The following NBAS variants were observed in gnomAD, a reference collection of about 807,000 sequenced individuals.
The protein encoded by NBAS is NAG/BC035112 fusion.
NBAS carries 219 observed loss-of-function variants against 302.5 expected under a neutral mutation model. The observed-to-expected ratio is 0.72, with a 90% CI of 0.65 to 0.81. The LOEUF is 0.81. NBAS is among the 30% of genes least tolerant of loss of function. NBAS has a pLI of 0.00. For missense variants in NBAS, 2,932 were observed against 2,841.6 expected (o/e 1.03, Z -0.72); for synonymous variants, 1,118 against 1,021.6 (o/e 1.09, Z -1.80).
chr2:15,441,923 A>G (rs1678436099), intron 21 of NBAS, among the ~76,000 whole-genome samples: 1 of 150,812 alleles, frequency 6.6e-6, no homozygotes, highest in African/African-American at 2.4e-5. Flanking sequence ...CCATTACATA[A>G]TAGTAAAGGG....
intron 32 of NBAS, among the ~76,000 whole-genome samples, chr2:15,357,816 C>G (rs1673698489): frequency 6.6e-6 from 1 of 152,146 alleles, no homozygotes; most frequent in South Asian, 2.1e-4. Flanking sequence ...ATGGCTCCCC[C>G]TTCAAGCATT....
chr2:15,304,412 T>C (rs1020221437), intron 40 of NBAS, among the ~76,000 whole-genome samples: 1 of 152,128 alleles, frequency 6.6e-6, no homozygotes, highest in African/African-American at 2.4e-5. Context: ...TACAGCAGTA[T>C]AAAAACAGAC....
intron 21 of NBAS, among the ~76,000 whole-genome samples, chr2:15,460,708 C>T (rs1270161706): frequency 6.6e-6 from 1 of 152,082 alleles, no homozygotes; most frequent in Admixed American, 6.5e-5. Context: ...ATCAAATCAC[C>T]GTGAATTAAG....
chr2:15,214,137 A>C (rs1286613187), intron 48 of NBAS, among the ~76,000 whole-genome samples: 1 of 152,236 alleles, frequency 6.6e-6, no homozygotes, highest in African/African-American at 2.4e-5. Flanking sequence ...AGAACATCAG[A>C]CTGAAAGTCA....
chr2:15,110,792 C>T, the NBAS span, among the ~76,000 whole-genome samples: 1 of 152,138 alleles, frequency 6.6e-6, no homozygotes, highest in Non-Finnish European at 1.5e-5. Flanking sequence ...CACAAATACA[C>T]AGAGAAAGCC....
At chr2:14,851,285 G>T in the NBAS span, among the ~76,000 whole-genome samples, 1 of 148,168 alleles carries the variant, frequency 6.7e-6, no homozygotes, top group Non-Finnish European at 1.5e-5. Context: ...ACTACCATCA[G>T]AGAATACTAC....
the NBAS span, among the ~76,000 whole-genome samples, chr2:15,034,303 A>AGAAAGAAAGAAG: frequency 7.8e-6 from 1 of 127,776 alleles, no homozygotes; most frequent in South Asian, 2.6e-4. Context: ...AAAGAAAGAA[A>AGAAAGAAAGAAG]GATGGAGAGA....
the NBAS span, among the ~76,000 whole-genome samples, chr2:14,878,435 G>T: frequency 6.6e-6 from 1 of 152,130 alleles, no homozygotes; most frequent in Non-Finnish European, 1.5e-5. Flanking sequence ...TTGCATGTGA[G>T]CTGCTTACCA....
the NBAS span, among the ~76,000 whole-genome samples, chr2:14,782,504 G>T: frequency 1.7e-3 from 258 of 152,250 alleles, 1 homozygote; most frequent in African/African-American, 6.0e-3. Context: ...ATAAACTGTT[G>T]GTGGGAGTGC....
intron 48 of NBAS, among the ~76,000 whole-genome samples, chr2:15,212,824 T>C (rs1666476831): frequency 6.6e-6 from 1 of 151,932 alleles, no homozygotes; most frequent in Non-Finnish European, 1.5e-5. Flanking sequence ...TCTGCCATGA[T>C]TATAAGTTTC....
chr2:15,082,932 T>A, the NBAS span, among the ~76,000 whole-genome samples: 1 of 152,206 alleles, frequency 6.6e-6, no homozygotes, highest in African/African-American at 2.4e-5. Context: ...GTGTAAAAGT[T>A]GAAGATGGGA....
At chr2:14,959,010 A>T in the NBAS span, among the ~76,000 whole-genome samples, 1 of 152,140 alleles carries the variant, frequency 6.6e-6, no homozygotes, top group Non-Finnish European at 1.5e-5. Flanking sequence ...TTAGGATTTA[A>T]GTTCATGCCT....
intron 28 of NBAS, among the ~76,000 whole-genome samples, chr2:15,391,673 C>CCCAAGAT (rs1477629366): frequency 4.0e-5 from 6 of 151,840 alleles, no homozygotes; most frequent in Non-Finnish European, 8.8e-5. Context: ...AACCCAAAGA[C>CCCAAGAT]CCAAGATCCA....
chr2:14,801,359 A>C, the NBAS span, among the ~76,000 whole-genome samples: 1 of 151,984 alleles, frequency 6.6e-6, no homozygotes, highest in Non-Finnish European at 1.5e-5. Flanking sequence ...ATTTTAAAAA[A>C]TTTTTTGTGT....
chr2:15,470,949 C>T (rs889871250), intron 16 of NBAS, among the ~76,000 whole-genome samples: 1 of 151,946 alleles, frequency 6.6e-6, no homozygotes, highest in Admixed American at 6.6e-5. Flanking sequence ...CAAAAAAAAG[C>T]AAAACTCCAT....
At chr2:14,803,048 T>A in the NBAS span, among the ~76,000 whole-genome samples, 6 of 151,886 alleles carry the variant, frequency 4.0e-5, no homozygotes, top group Admixed American at 3.3e-4. Context: ...ATAAAAAAAA[T>A]AAAAATAAAA....
chr2:14,929,991 T>A, the NBAS span, among the ~76,000 whole-genome samples: 2 of 152,186 alleles, frequency 1.3e-5, no homozygotes, highest in African/African-American at 4.8e-5. Context: ...CCCTTTGCTC[T>A]CTCTCTCCTG....
chr2:15,506,623 T>C (rs576966626), intron 10 of NBAS, among the ~76,000 whole-genome samples: 12 of 152,268 alleles, frequency 7.9e-5, no homozygotes, highest in African/African-American at 2.9e-4. Context: ...CTATGAGACC[T>C]TCTCAAAACA....
the NBAS span, among the ~76,000 whole-genome samples, chr2:14,811,141 T>C: frequency 3.9e-5 from 6 of 152,270 alleles, no homozygotes; most frequent in African/African-American, 1.4e-4. Context: ...GGTGTGGTGG[T>C]TCATGTCTAT....
Sources: gnomAD v4.1 joint callset for allele counts (sites outside exome capture counted in the v4.1 genomes callset) on GRCh38, gnomAD v4.1.1 for gene constraint, MANE v1.5 for transcripts, NCBI Gene and HGNC (gene_info 2026-07-23, HGNC 2026-07-21) for gene names.